The following GRIK2 variants were observed in gnomAD, a reference collection of about 807,000 sequenced individuals.
GRIK2 encodes the protein glutamate receptor ionotropic, kainate 2.
Under a neutral mutation model 100.3 loss-of-function variants are expected in GRIK2, and 32 were observed. That is an observed-to-expected ratio of 0.32 (90% CI 0.24 to 0.43). The LOEUF is 0.43. Among genes scored for constraint, GRIK2 ranks in the 20% least tolerant of loss-of-function variants. The pLI is 1.00. For synonymous variants in GRIK2, 417 were observed against 389.4 expected (o/e 1.07, Z -0.83); for missense variants, 843 against 1,114.9 (o/e 0.76, Z 3.47).
At chr6:101,897,730 G>A (rs557057682) in intron 12 of GRIK2, among the ~76,000 whole-genome samples, 1 of 151,932 alleles carries the variant, frequency 6.6e-6, no homozygotes, top group East Asian at 1.9e-4. Context: ...AAGAAATAAA[G>A]AATTGTTTAC....
intron 14 of GRIK2, among the ~76,000 whole-genome samples, chr6:102,029,946 T>C (rs1769898126): frequency 6.6e-6 from 1 of 151,268 alleles, no homozygotes; most frequent in African/African-American, 2.4e-5. Context: ...TATAAAGTTA[T>C]CATAATCAGT....
At chr6:101,639,259 C>T (rs933293590) in intron 4 of GRIK2, among the ~76,000 whole-genome samples, 1 of 152,074 alleles carries the variant, frequency 6.6e-6, no homozygotes, top group Non-Finnish European at 1.5e-5. Context: ...GTCGCAAACT[C>T]CTGATATCAA....
At chr6:101,859,725 G>C (rs190234391) in intron 11 of GRIK2, among the ~76,000 whole-genome samples, 1 of 152,044 alleles carries the variant, frequency 6.6e-6, no homozygotes, top group Non-Finnish European at 1.5e-5. Flanking sequence ...CTGAGAGATG[G>C]AACATTATCT....
chr6:101,957,622 A>C (rs931573380), intron 14 of GRIK2, among the ~76,000 whole-genome samples: 1 of 152,014 alleles, frequency 6.6e-6, no homozygotes, highest in African/African-American at 2.4e-5. Flanking sequence ...TGTCCAGAAG[A>C]CATTTTCAAA....
At chr6:101,950,777 T>A (rs539712890) in intron 14 of GRIK2, among the ~76,000 whole-genome samples, 23 of 152,276 alleles carry the variant, frequency 1.5e-4, no homozygotes, top group African/African-American at 5.3e-4. Context: ...CTAACAGTAG[T>A]GGGAGCCAGG....
At chr6:101,941,983 G>C (rs917587580) in intron 14 of GRIK2, among the ~76,000 whole-genome samples, 1 of 151,736 alleles carries the variant, frequency 6.6e-6, no homozygotes, top group Non-Finnish European at 1.5e-5. Context: ...AAGAACTAGT[G>C]GCATAGGTTT....
In GRIK2 at chr6:101,698,586, C is replaced by T. The variant is rs543211094; in HGVS notation, c.951+12233C>T. On this transcript the variant is annotated intron_variant, in intron 7 of 16. Transcript: ENST00000369134. ...CACAGATGTTGAAATGGTACCAAAT[C>T]GATCCTTCATAAAAAACCTCCTATG... Among the ~76,000 whole-genome samples, 8 of 152,108 alleles carry T rather than the reference C, an allele frequency of 5.3e-5. No individual in the cohort carries two copies. In the South Asian group the frequency reaches 1.0e-3, roughly 20 times the overall value.
At chr6:101,629,102 T>C (rs1856136) in intron 4 of GRIK2, among the ~76,000 whole-genome samples, 55,674 of 151,884 alleles carry the variant, frequency 0.37, 11,226 homozygotes, top group African/African-American at 0.54. Flanking sequence ...AATAGGGACA[T>C]ATGTATAGCT....
chr6:101,831,550 A>G (rs1454618439), intron 10 of GRIK2, among the ~76,000 whole-genome samples: 1 of 152,194 alleles, frequency 6.6e-6, no homozygotes, highest in Non-Finnish European at 1.5e-5. Context: ...GCTCTACAGA[A>G]GTAAGAGTAC....
chr6:101,574,161 G>A (rs1777685512), intron 2 of GRIK2, among the ~76,000 whole-genome samples: 1 of 150,792 alleles, frequency 6.6e-6, no homozygotes. Flanking sequence ...AATTATAGGT[G>A]TTTATATATA....
chr6:101,915,632 C>T (rs1490610294), intron 12 of GRIK2, among the ~76,000 whole-genome samples: 1 of 151,316 alleles, frequency 6.6e-6, no homozygotes, highest in East Asian at 1.9e-4. Flanking sequence ...GATATTTTTA[C>T]AGAAGATTCT....
At chr6:101,868,268 G>A (rs1271748951) in intron 11 of GRIK2, among the ~76,000 whole-genome samples, 4 of 151,128 alleles carry the variant, frequency 2.6e-5, no homozygotes, top group East Asian at 3.9e-4. Flanking sequence ...TAGAAGAGGC[G>A]TGAAATTGGG....
intron 14 of GRIK2, among the ~76,000 whole-genome samples, chr6:101,971,803 T>C (rs1397712000): frequency 6.6e-6 from 1 of 151,986 alleles, no homozygotes; most frequent in Admixed American, 6.6e-5. Flanking sequence ...TATGACCATG[T>C]ATACTCAAAG....
intron 7 of GRIK2, among the ~76,000 whole-genome samples, chr6:101,755,607 AT>A (rs1224773470): frequency 1.3e-5 from 2 of 152,226 alleles, no homozygotes; most frequent in Non-Finnish European, 2.9e-5. Context: ...CATCTTCCAG[AT>A]AAACTAGTGT....
intron 2 of GRIK2, among the ~76,000 whole-genome samples, chr6:101,414,991 T>C (rs891620301): frequency 1.4e-5 from 2 of 142,308 alleles, no homozygotes; most frequent in Non-Finnish European, 3.1e-5. Flanking sequence ...GGTGTGTATA[T>C]GTGTGTGGTG....
At chr6:101,714,247 A>G (rs1773912929) in intron 7 of GRIK2, among the ~76,000 whole-genome samples, 1 of 151,650 alleles carries the variant, frequency 6.6e-6, no homozygotes, top group Non-Finnish European at 1.5e-5. Flanking sequence ...AATGTAAATC[A>G]TATGTTCAAA....
chr6:101,699,323 A>G (rs560187012), intron 7 of GRIK2, among the ~76,000 whole-genome samples: 6 of 152,120 alleles, frequency 3.9e-5, no homozygotes, highest in South Asian at 2.1e-4. Flanking sequence ...CTAGAGCTCA[A>G]ATTTACTCTC....
At chr6:101,447,630 C>T (rs1437475231) in intron 2 of GRIK2, among the ~76,000 whole-genome samples, 1 of 151,614 alleles carries the variant, frequency 6.6e-6, no homozygotes, top group Non-Finnish European at 1.5e-5. Context: ...GAGTGTAGCT[C>T]CCATGTAGTT....
intron 2 of GRIK2, among the ~76,000 whole-genome samples, chr6:101,549,489 G>C (rs2128291901): frequency 6.6e-6 from 1 of 151,950 alleles, no homozygotes; most frequent in South Asian, 2.1e-4. Context: ...TGTCTCTGCT[G>C]GCAATATATA....
Sources: gnomAD v4.1 joint callset for allele counts (sites outside exome capture counted in the v4.1 genomes callset) on GRCh38, gnomAD v4.1.1 for gene constraint, MANE v1.5 for transcripts, NCBI Gene and HGNC (gene_info 2026-07-23, HGNC 2026-07-21) for gene names.